DPYSL2: variants seen among roughly 807,000 people sequenced by gnomAD.
The protein encoded by DPYSL2 is dihydropyrimidinase like 2.
In DPYSL2, 13 loss-of-function variants were observed where a neutral mutation model predicts 69.9. The ratio of observed to expected loss-of-function variants is 0.19; its 90% CI spans 0.12 to 0.30. DPYSL2 has a LOEUF of 0.30. Ranked by LOEUF, DPYSL2 falls within the 10% of genes least tolerant of loss-of-function variation. The pLI, the probability that DPYSL2 is intolerant of heterozygous loss-of-function variation, is 1.00. For missense variants in DPYSL2, 587 were observed against 918.9 expected, an observed-to-expected ratio of 0.64 and a Z score of 4.67; for synonymous variants, 326 against 359.1, an observed-to-expected ratio of 0.91 and a Z score of 1.04.
Position 26,619,096 on chromosome 8 carries a change from G to T in DPYSL2, c.629-5047G>T, listed in dbSNP as rs923552913. Among the ~76,000 whole-genome samples the T allele has an allele frequency of 6.6e-6, 1 of 152,140 alleles. No individual in the cohort carries two copies. Among genetic ancestry groups the T allele is most frequent in the Non-Finnish European group, 1.5e-5 (1 of 68,020 alleles). On this transcript the variant is annotated intron_variant, in intron 3 of 13. Transcript: ENST00000521913. This position sits in a 1 kb window ranked among gnomAD's most constrained non-coding sequence, Gnocchi z 4.8. Reference sequence around the variant, plus strand: ...TTCTCTTTTCACTGCTGGTATAGTCGGGTTGCCAAGGCTGCCCTCTTGGAG... The same window carrying T: ...TTCTCTTTTCACTGCTGGTATAGTCTGGTTGCCAAGGCTGCCCTCTTGGAG...
intron 1 of DPYSL2, among the ~76,000 whole-genome samples, chr8:26,555,986 AT>A (rs1800941449): frequency 8.9e-6 from 1 of 111,862 alleles, no homozygotes; most frequent in Non-Finnish European, 1.7e-5. Context: ...TATATATAGT[AT>A]ATATAAATAT....
chr8:26,527,803 C>CATTTTTTTTTT (rs1563375173), intron 1 of DPYSL2, among the ~76,000 whole-genome samples: 1 of 96,670 alleles, frequency 1.0e-5, no homozygotes, highest in African/African-American at 2.9e-5. Context: ...ATTTGTTTAT[C>CATTTTTTTTTT]CTTTTTTTTT....
chr8:26,625,035 T>C (rs951556257), intron 4 of DPYSL2, among the ~76,000 whole-genome samples: 1 of 152,176 alleles, frequency 6.6e-6, no homozygotes, highest in African/African-American at 2.4e-5. Flanking sequence ...TTTAGGGTTC[T>C]GGGGACTTCC....
chr8:26,601,477 A>T (rs560760124), intron 3 of DPYSL2, among the ~76,000 whole-genome samples: 1 of 151,940 alleles, frequency 6.6e-6, no homozygotes, highest in Non-Finnish European at 1.5e-5. Context: ...TCCTGGGTTC[A>T]CGCCATTCTC....
In DPYSL2 at chr8:26,619,622, G is replaced by T. The variant is rs1802435926; in HGVS notation, c.629-4521G>T. The T allele has an allele frequency of 6.6e-6, 1 of 152,248 alleles. No individual in the cohort carries two copies. The highest frequency in any genetic ancestry group is 2.1e-4 in the South Asian group (1 of 4,830). The allele number at this position is 152,248 out of a possible 1,614,324, so 9.4% of individuals were successfully genotyped here. The stretch of plus-strand genomic sequence containing the variant: ...CTCAAGGTAGTTCAAGGCAGACTCA[G>T]TAGCTCCCGGGTTGCTTAGTAGAAA... On this transcript the variant is annotated intron_variant, in intron 3 of 13. Coordinates refer to ENST00000521913, the MANE Select transcript of DPYSL2 (RefSeq NM_001197293.3). This position sits in a 1 kb window ranked among gnomAD's most constrained non-coding sequence, Gnocchi z 4.8.
At chr8:26,566,228 A>T (rs1160041083) in intron 1 of DPYSL2, among the ~76,000 whole-genome samples, 1 of 152,196 alleles carries the variant, frequency 6.6e-6, no homozygotes, top group African/African-American at 2.4e-5. Context: ...GATGGAGTAC[A>T]GAGAAGTCAG....
intron 1 of DPYSL2, among the ~76,000 whole-genome samples, chr8:26,547,012 G>T (rs938628364): frequency 4.0e-5 from 6 of 149,840 alleles, no homozygotes; most frequent in Non-Finnish European, 8.9e-5. Context: ...GATGATTGAG[G>T]TCACAAGGCA....
At chr8:26,618,313 G>A (rs1802401453) in intron 3 of DPYSL2, among the ~76,000 whole-genome samples, 1 of 94,890 alleles carries the variant, frequency 1.1e-5, no homozygotes, top group Non-Finnish European at 2.4e-5. Flanking sequence ...GTGGTTTTAC[G>A]CCTTTTTTTT....
chr8:26,579,249 C>A (rs1185697481), intron 1 of DPYSL2, among the ~76,000 whole-genome samples: 1 of 152,232 alleles, frequency 6.6e-6, no homozygotes, highest in Non-Finnish European at 1.5e-5. Flanking sequence ...ACGGGGAAAA[C>A]GTCTGTGCCG....
At position 26,642,552 on chromosome 8, in the gene DPYSL2, C is replaced by T. The variant is rs549272368; in HGVS notation, c.1127-887C>T. Among the ~76,000 whole-genome samples the T allele has an allele frequency of 9.9e-5, 15 of 152,036 alleles. No individual in the cohort carries two copies. Among genetic ancestry groups the T allele is most frequent in the Non-Finnish European group, 1.9e-4 (13 of 68,012 alleles). On this transcript the variant is annotated intron_variant, in intron 8 of 13. Transcript: ENST00000521913. This position sits in a 1 kb window ranked among gnomAD's most constrained non-coding sequence, Gnocchi z 5.3. ...GGGAGAGCAAACGTAAATCTAAGGT[C>T]CAATTGGGAGGCTCTGTTGGAATGA...
rs1428795803 is a variant in DPYSL2, at chr8:26,627,432, C to A, written c.936+137C>A. The A allele has an allele frequency of 4.6e-6, 4 of 864,984 alleles. No homozygotes were observed. The Admixed American group carries it at 8.5e-5, about 18-fold the overall frequency. 53.6% of individuals were successfully genotyped at this position (864,984 alleles called of 1,614,324 possible). ...CTGGTGTTCCCTTGCTGGAGCTCTGCTCAGTCTCACCCATGGCATGAATGC... is the reference window on the plus strand; with the variant it reads ...CTGGTGTTCCCTTGCTGGAGCTCTGATCAGTCTCACCCATGGCATGAATGC... On this transcript the variant is annotated intron_variant, in intron 6 of 13. Coordinates refer to ENST00000521913, the MANE Select transcript of DPYSL2 (RefSeq NM_001197293.3). The surrounding 1 kb of genome is among the most constrained non-coding windows in gnomAD (Gnocchi z 6.9).
Position 26,596,550 on chromosome 8 carries a change from A to G in DPYSL2, c.628+12567A>G, listed in dbSNP as rs182459405. The stretch of plus-strand genomic sequence containing the variant: ...TGTGATTCTGTCCTTTTCACAAGAG[A>G]TGGTTAGAAGAAAGTGAGGAGTTTG... On this transcript the variant is annotated intron_variant, in intron 3 of 13. Transcript: ENST00000521913. 3.9e-5 allele frequency among the ~76,000 whole-genome samples: 6 copies of G among 152,256 alleles called. No homozygotes were observed. In the East Asian group the frequency reaches 1.2e-3, roughly 29 times the overall value.
rs375174407 is a variant in DPYSL2 at position 26,640,487 on chromosome 8, C to T, written c.1127-2952C>T. On this transcript the variant is annotated intron_variant, in intron 8 of 13. Transcript: ENST00000521913. This position sits in a 1 kb window ranked among gnomAD's most constrained non-coding sequence, Gnocchi z 4.2. ...TTTCTGGCATGCAGTTCAAGGGTGT[C>T]TGTGGCCTGGCTGAGCTCCGGAAGT... Among the ~76,000 whole-genome samples, 1 of 152,194 alleles carries T rather than the reference C, an allele frequency of 6.6e-6. No homozygotes were observed. Among genetic ancestry groups the T allele is most frequent in the Non-Finnish European group, 1.5e-5 (1 of 68,038 alleles).
chr8:26,541,952 T>G (rs1800691125), intron 1 of DPYSL2, among the ~76,000 whole-genome samples: 1 of 152,176 alleles, frequency 6.6e-6, no homozygotes, highest in South Asian at 2.1e-4. Flanking sequence ...ATTACTTAAA[T>G]GTAAATGGAT....
At chr8:26,577,920 G>T (rs1585519579) in intron 1 of DPYSL2, 2 of 1,161,208 alleles carry the variant, frequency 1.7e-6, no homozygotes, top group East Asian at 1.3e-4. Context: ...ATGCGCCACG[G>T]TGGCCGACTT....
chr8:26,583,611 A>G (rs1801534941), intron 2 of DPYSL2, among the ~76,000 whole-genome samples, 188 bp from the exon 3 acceptor site: 1 of 152,128 alleles, frequency 6.6e-6, no homozygotes, highest in Admixed American at 6.6e-5. Context: ...TTTGCTTTCT[A>G]GTATACTCTG....
At chr8:26,638,355 A>C (rs979757698) in intron 8 of DPYSL2, among the ~76,000 whole-genome samples, 2 of 152,202 alleles carry the variant, frequency 1.3e-5, no homozygotes, top group African/African-American at 2.4e-5. Context: ...GAAAAATGAT[A>C]ATCCTGCCCT....
chr8:26,514,269 T>TTAGG lies in DPYSL2; in HGVS notation c.-56_-53dup, dbSNP rs1808232312. On this transcript the variant is annotated 5_prime_UTR_variant, in exon 1 of 14. Transcript: ENST00000521913. The surrounding 1 kb of genome is among the most constrained non-coding windows in gnomAD (Gnocchi z 8.4). ...GGCTTGTGCACACAGCGAGGGAGAC[T>TTAGG]TAGGGACTGGCAGACGGACGGACGG... 1.4e-6 allele frequency: 2 copies of TTAGG among 1,387,938 alleles called. No homozygotes were observed. The highest frequency in any genetic ancestry group is 5.5e-5 in the East Asian group (2 of 36,534). The allele number at this position is 1,387,938 out of a possible 1,614,324, so 86.0% of individuals were successfully genotyped here. A position where few individuals can be genotyped will look rare whatever the true frequency, so the allele number is the denominator to read the frequency against.
chr8:26,642,818 T>C lies in DPYSL2; in HGVS notation c.1127-621T>C, dbSNP rs1803080880. Reference sequence around the variant, plus strand: ...TGGCATAATGTCCAGTTTGTTTCTCTCTCACAGAGTCAGCTGTGAAGATGG... The same window carrying C: ...TGGCATAATGTCCAGTTTGTTTCTCCCTCACAGAGTCAGCTGTGAAGATGG... On this transcript the variant is annotated intron_variant, in intron 8 of 13. Coordinates refer to ENST00000521913, the MANE Select transcript of DPYSL2 (RefSeq NM_001197293.3). This position sits in a 1 kb window ranked among gnomAD's most constrained non-coding sequence, Gnocchi z 5.3. The C allele has an allele frequency of 6.6e-6, 1 of 152,256 alleles. No individual in the cohort carries two copies. Among genetic ancestry groups the C allele is most frequent in the Middle Eastern group, 3.2e-3 (1 of 316 alleles). The allele number at this position is 152,256 out of a possible 1,614,324, so 9.4% of individuals were successfully genotyped here. A position where few individuals can be genotyped will look rare whatever the true frequency, so the allele number is the denominator to read the frequency against.
Sources: allele counts gnomAD v4.1 joint callset (sites outside exome capture counted in the v4.1 genomes callset), GRCh38; gene constraint gnomAD v4.1.1; non-coding constraint Gnocchi (gnomAD v3.1); transcripts MANE v1.5; gene names NCBI Gene and HGNC (gene_info 2026-07-23, HGNC 2026-07-21).